LNX2: variants seen among roughly 807,000 people sequenced by gnomAD.
The protein encoded by LNX2 is ligand of Numb protein X 2.
LNX2 carries 35 observed loss-of-function variants against 66.2 expected under a neutral mutation model. The observed-to-expected ratio is 0.53, with a 90% CI of 0.40 to 0.70. The LOEUF (loss-of-function observed/expected upper bound fraction) is 0.70, where lower values mean the gene tolerates loss of function less well. Ranked by LOEUF, LNX2 falls within the 30% of genes least tolerant of loss-of-function variation. The pLI is 0.00. For synonymous variants in LNX2, 337 were observed against 315.6 expected, an observed-to-expected ratio of 1.07 and a Z score of -0.72; for missense variants, 791 against 850.8, an observed-to-expected ratio of 0.93 and a Z score of 0.87.
At chr13:27,595,247 C>T (rs75195450) in intron 1 of LNX2, among the ~76,000 whole-genome samples, 14,666 of 152,202 alleles carry the variant, frequency 0.096, 997 homozygotes, top group Non-Finnish European at 0.14. Flanking sequence ...TGAAGCTCTA[C>T]CCAATCCACC....
intron 1 of LNX2, among the ~76,000 whole-genome samples, chr13:27,615,502 C>T (rs1487371335): frequency 6.6e-6 from 1 of 152,112 alleles, no homozygotes; most frequent in Non-Finnish European, 1.5e-5. Context: ...CATTGGTGAT[C>T]AGCTTACCCT....
At chr13:27,591,133 C>T (rs993329779) in intron 1 of LNX2, among the ~76,000 whole-genome samples, 10 of 152,190 alleles carry the variant, frequency 6.6e-5, no homozygotes, top group Admixed American at 2.0e-4. Context: ...GGGCAGGGAC[C>T]AGAGCCTTGT....
At chr13:27,563,428 T>C (rs1955166473) in intron 4 of LNX2, among the ~76,000 whole-genome samples, 1 of 152,216 alleles carries the variant, frequency 6.6e-6, no homozygotes, top group Non-Finnish European at 1.5e-5. Flanking sequence ...AATTACGGTT[T>C]TTACCATTAA....
intron 1 of LNX2, among the ~76,000 whole-genome samples, chr13:27,613,032 G>A (rs1566135123): frequency 6.6e-6 from 1 of 152,180 alleles, no homozygotes; most frequent in African/African-American, 2.4e-5. Flanking sequence ...TGAAGGGTAT[G>A]GGGGTAGGGG....
intron 1 of LNX2, among the ~76,000 whole-genome samples, chr13:27,605,982 C>T (rs1363544618): frequency 2.0e-5 from 3 of 152,140 alleles, no homozygotes; most frequent in Non-Finnish European, 4.4e-5. Context: ...TCCCACACCC[C>T]TTTTCAGAAA....
chr13:27,617,212 T>A (rs1375847318), intron 1 of LNX2, among the ~76,000 whole-genome samples: 1 of 152,234 alleles, frequency 6.6e-6, no homozygotes, highest in African/African-American at 2.4e-5. Flanking sequence ...ATGTCTTTTG[T>A]AAGACTCTCA....
rs116609431 is a variant in LNX2 at position 27,570,260 on chromosome 13, G to A, written c.408-984C>T. On this transcript the variant is annotated intron_variant, in intron 2 of 9. Coordinates refer to ENST00000316334, the MANE Select transcript of LNX2 (RefSeq NM_153371.4). ...TTTGGTTGTAATTAGCTACAGTAAC[G>A]CTTGGTAGGATGGGTGATCACAGAC... 7.8e-3 allele frequency among the ~76,000 whole-genome samples: 1,194 copies of A among 152,236 alleles called. 11 individuals are homozygous for A. The highest frequency in any genetic ancestry group is 0.027 in the African/African-American group (1,102 of 41,518).
chr13:27,561,811 A>G (rs1955139036), intron 5 of LNX2, among the ~76,000 whole-genome samples: 1 of 152,244 alleles, frequency 6.6e-6, no homozygotes. Context: ...CAGAATGTAT[A>G]GATCTCCTCT....
At position 27,559,949 on chromosome 13, in the gene LNX2, G is replaced by T. The variant is rs1955110187; in HGVS notation, c.1261C>A (p.Pro421Thr). The stretch of plus-strand genomic sequence containing the variant: ...GTGTTACCAGGCTGGGGTTTCCCTG[G>T]TCTAGCAATTGTTAAATTCACTCTC... Reference protein sequence around the residue: ...GERVNLTIARPGKPQPGNTIR... With the variant: ...GERVNLTIARTGKPQPGNTIR... Residue 421 changes from proline (P) to threonine (T), a missense_variant, in exon 6 of 10, where the codon CCA becomes ACA. Transcript: ENST00000316334. The T allele has an allele frequency of 2.5e-6, 4 of 1,609,672 alleles. No homozygotes were observed. The East Asian group carries it at 6.7e-5, about 27-fold the overall frequency.
chr13:27,579,987 C>A (rs1955380182), intron 2 of LNX2, among the ~76,000 whole-genome samples: 1 of 152,188 alleles, frequency 6.6e-6, no homozygotes, highest in Non-Finnish European at 1.5e-5. Flanking sequence ...TAGTTCTAGA[C>A]AACACAGTTT....
chr13:27,555,629 T>C (rs1955050564), intron 7 of LNX2, among the ~76,000 whole-genome samples: 1 of 152,212 alleles, frequency 6.6e-6, no homozygotes, highest in African/African-American at 2.4e-5. Context: ...AGATCTTGCA[T>C]CCATTATGAT....
chr13:27,611,177 G>A (rs994162253), intron 1 of LNX2, among the ~76,000 whole-genome samples: 8 of 152,180 alleles, frequency 5.3e-5, no homozygotes, highest in Non-Finnish European at 1.2e-4. Flanking sequence ...GCAGCACTAT[G>A]AGCAATAGCC....
At chr13:27,568,837 T>G (rs759365199) in intron 3 of LNX2, among the ~76,000 whole-genome samples, 192 bp downstream of exon 3, 30 of 152,214 alleles carry the variant, frequency 2.0e-4, no homozygotes, top group Non-Finnish European at 4.3e-4. Flanking sequence ...GTTTCTAAAA[T>G]GCAAACTGTT....
chr13:27,562,776 GTTGACCT>G lies in LNX2; in HGVS notation c.856-2_860del, dbSNP rs1593242308. ...GGGACACATTGCTGATATTGTAGTTGTTGACCTAGAAAAAAAGAATTGTGACCGAAGT... is the reference window on the plus strand; with the variant it reads ...GGGACACATTGCTGATATTGTAGTTGAGAAAAAAAGAATTGTGACCGAAGT... On this transcript the variant is annotated splice_acceptor_variant and coding_sequence_variant, in exon 5 of 10. Coordinates refer to ENST00000316334, the MANE Select transcript of LNX2 (RefSeq NM_153371.4). LOFTEE classifies it high-confidence loss of function. 1 of 1,596,514 alleles carries G rather than the reference GTTGACCT, an allele frequency of 6.3e-7. No individual in the cohort carries two copies.
chr13:27,571,120 T>C (rs567580872), intron 2 of LNX2, among the ~76,000 whole-genome samples: 1 of 152,282 alleles, frequency 6.6e-6, no homozygotes, highest in African/African-American at 2.4e-5. Context: ...AGGAAGGCCA[T>C]AGATTGAACC....
chr13:27,581,179 T>C, intron 2 of LNX2, 118 bp downstream of exon 2: 1 of 670,980 alleles, frequency 1.5e-6, no homozygotes, highest in Non-Finnish European at 2.4e-6. Context: ...CTTCTGTACT[T>C]GATTCACCCA....
chr13:27,597,721 C>G (rs750503189), intron 1 of LNX2, among the ~76,000 whole-genome samples: 1 of 151,884 alleles, frequency 6.6e-6, no homozygotes, highest in African/African-American at 2.4e-5. Context: ...TGACTATGAA[C>G]AGTCAAAGGA....
At chr13:27,620,151 CT>C (rs1391941012) in intron 1 of LNX2, among the ~76,000 whole-genome samples, 1 of 137,484 alleles carries the variant, frequency 7.3e-6, no homozygotes, top group African/African-American at 2.5e-5. Flanking sequence ...GGCGCCGACT[CT>C]CCCTCCTGGA....
At chr13:27,590,802 T>C (rs1445503116) in intron 1 of LNX2, among the ~76,000 whole-genome samples, 1 of 152,136 alleles carries the variant, frequency 6.6e-6, no homozygotes, top group Non-Finnish European at 1.5e-5. Context: ...ATCATGGTGA[T>C]ATTACTAATA....
Sources: gnomAD v4.1 joint callset for allele counts (sites outside exome capture counted in the v4.1 genomes callset) on GRCh38, gnomAD v4.1.1 for gene constraint, MANE v1.5 for transcripts, NCBI Gene and HGNC (gene_info 2026-07-23, HGNC 2026-07-21) for gene names.